TM4SF4: variants seen among roughly 807,000 people sequenced by gnomAD.
TM4SF4 encodes transmembrane 4 L six family member 4, also known as transmembrane 4 L6 family member 4.
Under a neutral mutation model 24.1 loss-of-function variants are expected in TM4SF4, and 24 were observed. The observed-to-expected ratio is 1.00, with a 90% CI of 0.72 to 1.40. The LOEUF (loss-of-function observed/expected upper bound fraction) is 1.40. Among genes scored for constraint, TM4SF4 ranks in the 40% most tolerant of loss-of-function variants. The probability of loss-of-function intolerance (pLI) is 0.00; values close to 1 mark genes in which losing one functional copy is unlikely to be tolerated. For missense variants in TM4SF4, 254 were observed against 254.2 expected, an observed-to-expected ratio of 1.00 and a Z score of 0.01; for synonymous variants, 113 against 97.0, an observed-to-expected ratio of 1.17 and a Z score of -0.97.
chr3:149,497,984 A>T (rs1734342984), intron 3 of TM4SF4, among the ~76,000 whole-genome samples: 1 of 152,230 alleles, frequency 6.6e-6, no homozygotes, highest in Non-Finnish European at 1.5e-5. Context: ...TTATATAATA[A>T]AATATAAATA....
At chr3:149,485,659 T>C (rs1734102931) in intron 2 of TM4SF4, among the ~76,000 whole-genome samples, 1 of 152,184 alleles carries the variant, frequency 6.6e-6, no homozygotes, top group Admixed American at 6.5e-5. Flanking sequence ...TTGGGCATGG[T>C]GGTGCATGCC....
intron 3 of TM4SF4, 117 bp downstream of exon 3, chr3:149,487,872 G>T (rs753125882): frequency 1.7e-5 from 24 of 1,410,476 alleles, no homozygotes; most frequent in Non-Finnish European, 2.3e-5. Context: ...CCTCAGGCTC[G>T]GTGCTCCTTT....
intron 2 of TM4SF4, among the ~76,000 whole-genome samples, chr3:149,483,907 A>C (rs752696950): frequency 3.3e-5 from 5 of 151,840 alleles, no homozygotes; most frequent in Non-Finnish European, 7.4e-5. Flanking sequence ...CAGCCTCCTG[A>C]GTAGCTGGGA....
intron 3 of TM4SF4, among the ~76,000 whole-genome samples, chr3:149,496,151 G>A (rs1437610791): frequency 2.6e-5 from 4 of 151,742 alleles, no homozygotes; most frequent in East Asian, 2.0e-4. Flanking sequence ...AAGGAAAGGA[G>A]AATGTTTTGT....
chr3:149,495,412 G>T, intron 3 of TM4SF4: 1 of 348,056 alleles, frequency 2.9e-6, no homozygotes, highest in Non-Finnish European at 5.7e-6. Context: ...AAAGTTGGTG[G>T]CATTGGTCCC....
At position 149,495,067 on chromosome 3, in the gene TM4SF4, C is replaced by G. The variant is rs377300994; in HGVS notation, c.402-3655C>G. ...TGAACATGCCCTTCGTGCTTACACA[C>G]TGGGGATGAAACAACCAATTGTTGG... On this transcript the variant is annotated intron_variant, in intron 3 of 4. Coordinates refer to ENST00000305354, the MANE Select transcript of TM4SF4 (RefSeq NM_004617.4). 213 of 256,604 alleles carry G rather than the reference C, an allele frequency of 8.3e-4. 4 individuals carry two copies. The South Asian group carries it at 0.012, about 14-fold the overall frequency. The allele number at this position is 256,604 out of a possible 1,614,324, so 15.9% of individuals were successfully genotyped here. A position where few individuals can be genotyped will look rare whatever the true frequency, so the allele number is the denominator to read the frequency against.
rs995675949 is a variant in TM4SF4, at chr3:149,477,164, C to T, written c.264+1252C>T. On this transcript the variant is annotated intron_variant, in intron 2 of 4. Transcript: ENST00000305354. Reference sequence around the variant, plus strand: ...ACAAAGAGAGGACAAGTCTTAGGCTCCAGGAATGAATGCAACGTTGTTTAA... The same window carrying T: ...ACAAAGAGAGGACAAGTCTTAGGCTTCAGGAATGAATGCAACGTTGTTTAA... Among the ~76,000 whole-genome samples, 4 of 152,198 alleles carry T rather than the reference C, an allele frequency of 2.6e-5. No individual in the cohort carries two copies. The East Asian group carries it at 5.8e-4, about 22-fold the overall frequency.
chr3:149,492,058 A>G (rs1734220213), intron 3 of TM4SF4, among the ~76,000 whole-genome samples: 1 of 152,170 alleles, frequency 6.6e-6, no homozygotes, highest in African/African-American at 2.4e-5. Context: ...AGTGATGTGG[A>G]AAGTGAATAG....
intron 3 of TM4SF4, among the ~76,000 whole-genome samples, chr3:149,492,968 A>T (rs1297626552): frequency 6.6e-6 from 1 of 152,168 alleles, no homozygotes; most frequent in African/African-American, 2.4e-5. Flanking sequence ...GTCTAGCCAC[A>T]CCTCTGCCAT....
intron 2 of TM4SF4, among the ~76,000 whole-genome samples, chr3:149,477,663 G>T (rs1438726154): frequency 6.6e-6 from 1 of 152,068 alleles, no homozygotes; most frequent in East Asian, 1.9e-4. Flanking sequence ...ATTGATGATT[G>T]TTATGTTAAC....
At chr3:149,485,671 G>A (rs140651686) in intron 2 of TM4SF4, among the ~76,000 whole-genome samples, 4,816 of 152,280 alleles carry the variant, frequency 0.032, 86 homozygotes, top group Middle Eastern at 0.065. Flanking sequence ...GTGCATGCCT[G>A]TAGTCCTAGC....
intron 2 of TM4SF4, among the ~76,000 whole-genome samples, chr3:149,483,821 C>A (rs952971409): frequency 8.5e-5 from 13 of 152,148 alleles, no homozygotes; most frequent in Non-Finnish European, 7.4e-5. Context: ...CACTCTGTCG[C>A]CCATACTGGA....
chr3:149,491,011 T>A (rs1186728053), intron 3 of TM4SF4, among the ~76,000 whole-genome samples: 1 of 152,128 alleles, frequency 6.6e-6, no homozygotes, highest in Non-Finnish European at 1.5e-5. Flanking sequence ...AGTGAGTAAG[T>A]GCTAAGTGTT....
At chr3:149,495,406 T>A in intron 3 of TM4SF4, 1 of 341,074 alleles carries the variant, frequency 2.9e-6, no homozygotes, top group South Asian at 2.9e-5. Context: ...GTCTACAAAG[T>A]TGGTGGCATT....
intron 2 of TM4SF4, among the ~76,000 whole-genome samples, chr3:149,479,281 C>T (rs1284016974): frequency 1.3e-5 from 2 of 152,140 alleles, no homozygotes; most frequent in African/African-American, 2.4e-5. Flanking sequence ...AGCTCATGCC[C>T]CCTGCTTCAG....
At chr3:149,475,376 A>C (rs1733909909) in intron 1 of TM4SF4, among the ~76,000 whole-genome samples, 1 of 152,150 alleles carries the variant, frequency 6.6e-6, no homozygotes, top group South Asian at 2.1e-4. Flanking sequence ...CAACAAACCC[A>C]CGATGCAAAC....
chr3:149,484,961 A>C (rs1734092052), intron 2 of TM4SF4, among the ~76,000 whole-genome samples: 1 of 152,232 alleles, frequency 6.6e-6, no homozygotes, highest in South Asian at 2.1e-4. Flanking sequence ...AATATGTGTT[A>C]AGAAAAAATT....
chr3:149,477,070 G>A (rs1265457501), intron 2 of TM4SF4, among the ~76,000 whole-genome samples: 2 of 151,934 alleles, frequency 1.3e-5, no homozygotes, highest in Non-Finnish European at 2.9e-5. Flanking sequence ...AAAGTGCTGG[G>A]ATTACAGGTG....
chr3:149,490,838 T>A (rs932170706), intron 3 of TM4SF4, among the ~76,000 whole-genome samples: 2 of 152,150 alleles, frequency 1.3e-5, no homozygotes, highest in African/African-American at 4.8e-5. Flanking sequence ...ACAAGAAAAC[T>A]CAAGACAGTT....
Sources: allele counts gnomAD v4.1 joint callset (sites outside exome capture counted in the v4.1 genomes callset), GRCh38; gene constraint gnomAD v4.1.1; transcripts MANE v1.5; gene names NCBI Gene and HGNC (gene_info 2026-07-23, HGNC 2026-07-21).